The following CFAP44 variants were observed in gnomAD, a reference collection of about 807,000 sequenced individuals.
CFAP44 encodes cilia and flagella associated protein 44.
CFAP44 carries 134 observed loss-of-function variants against 216.2 expected under a neutral mutation model. The observed-to-expected ratio is 0.62, with a 90% confidence interval of 0.54 to 0.72. CFAP44 has a LOEUF of 0.72. Ranked by LOEUF, CFAP44 falls within the 30% of genes least tolerant of loss-of-function variation. The pLI, the probability that CFAP44 is intolerant of heterozygous loss-of-function variation, is 0.00. For synonymous variants in CFAP44, 700 were observed against 727.6 expected (o/e 0.96, Z 0.61); for missense variants, 2,035 against 2,182.1 (o/e 0.93, Z 1.34).
chr3:113,383,008 A>G (rs537467743), intron 15 of CFAP44, among the ~76,000 whole-genome samples: 1 of 152,398 alleles, frequency 6.6e-6, no homozygotes, highest in African/African-American at 2.4e-5. Flanking sequence ...ACTAAATTAT[A>G]GAGGAGCTAA....
chr3:113,377,525 A>T (rs566852009), intron 17 of CFAP44, among the ~76,000 whole-genome samples: 3 of 152,338 alleles, frequency 2.0e-5, no homozygotes, highest in African/African-American at 7.2e-5. Context: ...TGCAAAAAAA[A>T]CCAGCACTTA....
chr3:113,369,954 C>G (rs1274718398), intron 18 of CFAP44, among the ~76,000 whole-genome samples: 1 of 152,178 alleles, frequency 6.6e-6, no homozygotes, highest in Non-Finnish European at 1.5e-5. Flanking sequence ...ATAAACACCT[C>G]TATGCAAATA....
At position 113,416,555 on chromosome 3, in the gene CFAP44, G is replaced by T; in HGVS notation, c.643C>A (p.Pro215Thr). The change falls in exon 6 of 35, where the codon CCT becomes ACT. Residue 215 changes from proline to threonine, a missense_variant. Around this residue, in one of 3 missense-constraint regions of CFAP44, gnomAD observed 1,883 missense variants for 2,023.7 expected, o/e 0.93. Transcript: ENST00000393845. ...SFPDIIIYEYPSLRPYRVLRD... is the reference protein window; with the variant it reads ...SFPDIIIYEYTSLRPYRVLRD... ...AGGACTCTGTATGGTCTCAGAGAAG[G>T]ATATTCATAGATGATAATATCTGGA... 6.2e-7 allele frequency: 1 copy of T among 1,611,934 alleles called. No individual in the cohort carries two copies. Among genetic ancestry groups the T allele is most frequent in the Non-Finnish European group, 8.5e-7 (1 of 1,178,546 alleles).
At chr3:113,356,859 C>T (rs767415145) in intron 22 of CFAP44, among the ~76,000 whole-genome samples, 7 of 152,042 alleles carry the variant, frequency 4.6e-5, no homozygotes, top group Non-Finnish European at 1.0e-4. Context: ...TATTAAGAGA[C>T]TAAAGCCACA....
intron 28 of CFAP44, among the ~76,000 whole-genome samples, chr3:113,311,111 T>C (rs1287778078): frequency 6.6e-6 from 1 of 152,210 alleles, no homozygotes; most frequent in Non-Finnish European, 1.5e-5. Flanking sequence ...ATTAGAATTA[T>C]CTGATAAAGT....
chr3:113,346,505 G>A (rs897562829), intron 22 of CFAP44, among the ~76,000 whole-genome samples: 1 of 151,910 alleles, frequency 6.6e-6, no homozygotes, highest in African/African-American at 2.4e-5. Flanking sequence ...GCACCAATCA[G>A]TGCTCTGTAT....
intron 28 of CFAP44, among the ~76,000 whole-genome samples, chr3:113,320,057 G>T (rs1477286484): frequency 1.3e-5 from 2 of 151,852 alleles, no homozygotes; most frequent in Non-Finnish European, 2.9e-5. Flanking sequence ...TTAAAACAGT[G>T]AATAGAACAA....
intron 17 of CFAP44, 71 bp downstream of exon 17, chr3:113,379,235 G>A (rs2107335009): frequency 1.8e-6 from 2 of 1,114,926 alleles, no homozygotes; most frequent in Non-Finnish European, 2.4e-6. Flanking sequence ...GAGTAAGAAA[G>A]AATGAAGTTA....
In CFAP44 at chr3:113,303,929, T is replaced by C. The variant is rs532197762; in HGVS notation, c.5064A>G (p.Thr1688=). The change falls in exon 32 of 35, where the codon ACA becomes ACG. Residue 1688 remains threonine, a synonymous_variant. Transcript: ENST00000393845. ...TTAGATACTCACTGTGTATGGTTTT[T>C]GTCATTTCTCTCTTTTCTCGGATGA... ...KQLIREKREM[T]KTIHKMEETV... is the part of the protein sequence containing the mutation. 1.1e-5 allele frequency: 17 copies of C among 1,537,802 alleles called. No individual in the cohort carries two copies. In the East Asian group the frequency reaches 3.2e-4, roughly 29 times the overall value.
Position 113,304,014 on chromosome 3 carries a change from T to C in CFAP44, c.4979A>G (p.Gln1660Arg). 2.0e-6 allele frequency: 3 copies of C among 1,537,566 alleles called. No homozygotes were observed. The highest frequency in any genetic ancestry group is 1.7e-4 in the Middle Eastern group (1 of 5,994). ...RRLQERIHEL[Q>R]EENSKQQKLN... ...TTTTTGCTGCTTGGAATTTTCCTCC[T>C]GGAGCTCATGGATTCGTTCTTGCAG... Residue 1660 changes from glutamine to arginine, a missense_variant, in exon 32 of 35, where the codon CAG (glutamine) becomes CGG (arginine). Physicochemically the swap from Gln to Arg is conservative, Grantham distance 43. This residue lies in a region of CFAP44 where 1,883 missense variants were observed against 2,023.7 expected (regional missense o/e 0.93). Coordinates refer to ENST00000393845, the MANE Select transcript of CFAP44 (RefSeq NM_001164496.2).
chr3:113,427,303 T>A lies in CFAP44; in HGVS notation c.137A>T (p.Asp46Val). The change falls in exon 3 of 35, where the codon GAC becomes GTC. Residue 46 changes from aspartate to valine, a missense_variant. This residue lies in a region of CFAP44 where 149 missense variants were observed against 141.8 expected (regional missense o/e 1.05). Transcript: ENST00000393845. ...VQEDNTFLED[D>V]TDETFTKGEG... ...CCCTTTGGTAAATGTTTCATCTGTG[T>A]CATCTTCTAAAAATGTGTTATCTTC... 1 of 1,611,916 alleles carries A rather than the reference T, an allele frequency of 6.2e-7. No individual in the cohort carries two copies. The highest frequency in any genetic ancestry group is 8.5e-7 in the Non-Finnish European group (1 of 1,179,210).
Position 113,379,220 on chromosome 3 carries a change from C to T in CFAP44, c.2298+86G>A, listed in dbSNP as rs186557716. On this transcript the variant is annotated intron_variant, in intron 17 of 34. Transcript: ENST00000393845. Reference sequence around the variant, plus strand: ...AATAAATAGATAAATGAAATCTTAACATAAGAGTAAGAAAGAATGAAGTTA... The same window carrying T: ...AATAAATAGATAAATGAAATCTTAATATAAGAGTAAGAAAGAATGAAGTTA... 1.5e-4 allele frequency: 151 copies of T among 998,482 alleles called. No individual in the cohort carries two copies. The African/African-American group carries it at 2.3e-3, about 15-fold the overall frequency. The allele number at this position is 998,482 out of a possible 1,614,324, so 61.9% of individuals were successfully genotyped here.
intron 17 of CFAP44, among the ~76,000 whole-genome samples, chr3:113,373,911 A>G (rs1294363780): frequency 6.6e-6 from 1 of 152,188 alleles, no homozygotes; most frequent in Non-Finnish European, 1.5e-5. Flanking sequence ...CCTCGTTTTT[A>G]CAGCTAGTTT....
At chr3:113,419,904 A>G in intron 5 of CFAP44, 113 bp downstream of exon 5, 1 of 1,092,810 alleles carries the variant, frequency 9.2e-7, no homozygotes, top group Non-Finnish European at 1.3e-6. Context: ...ATCTCATGTG[A>G]ACCCACAATA....
chr3:113,349,564 T>A (rs1044214375), intron 22 of CFAP44, among the ~76,000 whole-genome samples: 1 of 152,154 alleles, frequency 6.6e-6, no homozygotes, highest in African/African-American at 2.4e-5. Flanking sequence ...TTAAAAAAGA[T>A]TGTCCAATGA....
intron 18 of CFAP44, among the ~76,000 whole-genome samples, chr3:113,370,553 A>G (rs1416014504): frequency 6.6e-6 from 1 of 152,224 alleles, no homozygotes; most frequent in African/African-American, 2.4e-5. Context: ...AAAACTCTCA[A>G]TAAACTAGGT....
chr3:113,317,016 T>C (rs1021377910), intron 28 of CFAP44, among the ~76,000 whole-genome samples: 2 of 151,610 alleles, frequency 1.3e-5, no homozygotes, highest in African/African-American at 2.4e-5. Flanking sequence ...CAAGAGTGAA[T>C]TGAGAGGCAA....
At chr3:113,340,165 C>A (rs760095974) in intron 24 of CFAP44, among the ~76,000 whole-genome samples, 3 of 152,180 alleles carry the variant, frequency 2.0e-5, no homozygotes, top group Non-Finnish European at 2.9e-5. Context: ...AGGAGAGGTG[C>A]CCTGAGCCAT....
chr3:113,354,796 C>T (rs2107303898), intron 22 of CFAP44, among the ~76,000 whole-genome samples: 1 of 152,282 alleles, frequency 6.6e-6, no homozygotes, highest in East Asian at 1.9e-4. Context: ...CTAGGTGTCT[C>T]TAGGGCAAGT....
Sources: gnomAD v4.1 joint callset for allele counts (sites outside exome capture counted in the v4.1 genomes callset) on GRCh38, gnomAD v4.1.1 for gene constraint, gnomAD v4.1.1 regional missense constraint, MANE v1.5 for transcripts, NCBI Gene and HGNC (gene_info 2026-07-23, HGNC 2026-07-21) for gene names.